Variants in CEP350 observed in about 807,000 individuals in gnomAD.
The protein encoded by CEP350 is centrosomal protein 350, also known as centrosome-associated protein 350.
In CEP350, 126 loss-of-function variants were observed where a neutral mutation model predicts 331.8. The observed-to-expected ratio is 0.38, with a 90% confidence interval of 0.33 to 0.44. The LOEUF (loss-of-function observed/expected upper bound fraction) is 0.44. CEP350 is among the 20% of genes least tolerant of loss of function. The pLI is 1.00. For missense variants in CEP350, 3,406 were observed against 3,634.6 expected (o/e 0.94, Z 1.62); for synonymous variants, 1,200 against 1,259.5 (o/e 0.95, Z 1.00).
chr1:180,015,319 C>T (rs532835678), intron 10 of CEP350, among the ~76,000 whole-genome samples: 10 of 152,076 alleles, frequency 6.6e-5, no homozygotes, highest in Admixed American at 5.2e-4. Context: ...CTGCAGGCTC[C>T]GCCCCCCGGG....
At chr1:180,021,167 C>T (rs1292400041) in intron 12 of CEP350, among the ~76,000 whole-genome samples, 158 bp downstream of exon 12, 1 of 151,996 alleles carries the variant, frequency 6.6e-6, no homozygotes, top group South Asian at 2.1e-4. Flanking sequence ...TCCTGCAAGC[C>T]TTAAGTAAGA....
At position 180,014,376 on chromosome 1, in the gene CEP350, T is replaced by C. The variant is rs1654839047; in HGVS notation, c.1923T>C (p.Thr641=). 2 of 1,596,150 alleles carry C rather than the reference T, an allele frequency of 1.3e-6. No individual in the cohort carries two copies. Among genetic ancestry groups the C allele is most frequent in the Admixed American group, 1.8e-5 (1 of 56,622 alleles). Residue 641 remains threonine (T), a synonymous_variant, in exon 10 of 38, where the codon ACT becomes ACC. Coordinates refer to ENST00000367607, the MANE Select transcript of CEP350 (RefSeq NM_014810.5). ...ELYRKQKEAF[T]KVKNVPPSEP... is the part of the protein sequence containing the mutation. Reference sequence around the variant, plus strand: ...ACCGGAAGCAGAAGGAAGCCTTTACTAAAGTAAAAAATGTCCCTCCTTCTG... The same window carrying C: ...ACCGGAAGCAGAAGGAAGCCTTTACCAAAGTAAAAAATGTCCCTCCTTCTG...
At position 180,084,007 on chromosome 1, in the gene CEP350, A is replaced by G. The variant is rs765254795; in HGVS notation, c.6125-11A>G. The G allele has an allele frequency of 7.1e-7, 1 of 1,414,594 alleles. No individual in the cohort carries two copies. Among genetic ancestry groups the G allele is most frequent in the South Asian group, 1.5e-5 (1 of 67,528 alleles). 87.6% of individuals were successfully genotyped at this position (1,414,594 alleles called of 1,614,324 possible). A position where few individuals can be genotyped will look rare whatever the true frequency, so the allele number is the denominator to read the frequency against. ...CAAAATTATAAATAAAAGATTTTGTATCTCTTTCAGAAACTACATCTGACC... is the reference window on the plus strand; with the variant it reads ...CAAAATTATAAATAAAAGATTTTGTGTCTCTTTCAGAAACTACATCTGACC... On this transcript the variant is annotated splice_polypyrimidine_tract_variant and intron_variant, in intron 30 of 37. Coordinates refer to ENST00000367607, the MANE Select transcript of CEP350 (RefSeq NM_014810.5).
Position 180,080,623 on chromosome 1 carries a change from A to G in CEP350, c.6086A>G (p.Tyr2029Cys). The change falls in exon 30 of 38, where the codon TAT becomes TGT. Residue 2029 changes from tyrosine to cysteine, a missense_variant. By Grantham distance (194) the Tyr-to-Cys change is radical (BLOSUM62 -2). Coordinates refer to ENST00000367607, the MANE Select transcript of CEP350 (RefSeq NM_014810.5). ...CCTATCAAGTCCCATCAGCACTGTT[A>G]TAGTTGGTCAGATGAGTCATTATCT... ...HLPIKSHQHCYSWSDESLSMT... is the reference protein window; with the variant it reads ...HLPIKSHQHCCSWSDESLSMT... 1 of 1,613,874 alleles carries G rather than the reference A, an allele frequency of 6.2e-7. No homozygotes were observed. The highest frequency in any genetic ancestry group is 8.5e-7 in the Non-Finnish European group (1 of 1,179,846).
chr1:180,053,236 T>C, intron 23 of CEP350, 70 bp downstream of exon 23: 1 of 736,966 alleles, frequency 1.4e-6, no homozygotes, highest in Non-Finnish European at 2.1e-6. Context: ...AGAAAACATT[T>C]TGTACTTATC....
In CEP350 at chr1:180,034,039, G is replaced by A. The variant is rs764961577; in HGVS notation, c.3903G>A (p.Pro1301=). The A allele has an allele frequency of 2.4e-5, 38 of 1,613,730 alleles. No homozygotes were observed. The highest frequency in any genetic ancestry group is 1.6e-4 in the Middle Eastern group (1 of 6,062). ...KPNAPLTDLN[P]AASRTTTENM... Reference sequence around the variant, plus strand: ...ATGCACCTCTCACTGATCTGAACCCGGCAGCCAGCAGAACAACGACAGAGA... The same window carrying A: ...ATGCACCTCTCACTGATCTGAACCCAGCAGCCAGCAGAACAACGACAGAGA... The change falls in exon 16 of 38, where the codon CCG becomes CCA. Residue 1301 remains proline, a synonymous_variant. Coordinates refer to ENST00000367607, the MANE Select transcript of CEP350 (RefSeq NM_014810.5).
intron 3 of CEP350, among the ~76,000 whole-genome samples, chr1:179,989,770 A>G (rs1652915376): frequency 6.6e-6 from 1 of 152,218 alleles, no homozygotes; most frequent in Admixed American, 6.5e-5. Context: ...TAGACATAAA[A>G]CTGTAAAACA....
At chr1:179,968,573 AGACTT>A in intron 1 of CEP350, 1 of 329,762 alleles carries the variant, frequency 3.0e-6, no homozygotes, top group Non-Finnish European at 5.9e-6. Context: ...ACGTGGAAGG[AGACTT>A]TTGAAAATTA....
intron 31 of CEP350, among the ~76,000 whole-genome samples, chr1:180,085,165 T>C (rs1160478738): frequency 6.6e-6 from 1 of 151,832 alleles, no homozygotes; most frequent in Non-Finnish European, 1.5e-5. Context: ...CAGAATGGTG[T>C]TTCATGCCAC....
At chr1:179,972,125 T>A (rs1300369932) in intron 1 of CEP350, among the ~76,000 whole-genome samples, 1 of 151,860 alleles carries the variant, frequency 6.6e-6, no homozygotes, top group African/African-American at 2.4e-5. Flanking sequence ...AGATGGTGAG[T>A]TTAATGTGCC....
intron 27 of CEP350, among the ~76,000 whole-genome samples, chr1:180,071,594 T>G (rs551131428): frequency 2.0e-5 from 3 of 151,982 alleles, no homozygotes; most frequent in South Asian, 4.2e-4. Flanking sequence ...CTGGCCAACA[T>G]GGTGAAACCC....
Position 180,053,099 on chromosome 1 carries a change from G to A in CEP350, c.4922G>A (p.Arg1641Lys). ...ESHRRFNMEK[R>K]RGHHDDSDEE... ...CACCGCAGATTTAACATGGAAAAGAGAAGAGGTCATCATGATGACTCTGAT... is the reference window on the plus strand; with the variant it reads ...CACCGCAGATTTAACATGGAAAAGAAAAGAGGTCATCATGATGACTCTGAT... Residue 1641 changes from arginine to lysine, a missense_variant, in exon 23 of 38, where the codon AGA (arginine) becomes AAA (lysine). By Grantham distance (26) the Arg-to-Lys change is conservative. Around this residue, in one of 5 missense-constraint regions of CEP350, gnomAD observed 104 missense variants for 143.3 expected, o/e 0.73. Transcript: ENST00000367607. The A allele has an allele frequency of 1.2e-6, 2 of 1,609,706 alleles. No homozygotes were observed. The highest frequency in any genetic ancestry group is 2.7e-5 in the African/African-American group (2 of 74,850).
In CEP350 at chr1:180,062,384, A is replaced by T; in HGVS notation, c.5409+18A>T. 3.8e-6 allele frequency: 6 copies of T among 1,573,922 alleles called. No individual in the cohort carries two copies. Among genetic ancestry groups the T allele is most frequent in the Admixed American group, 1.9e-5 (1 of 53,394 alleles). On this transcript the variant is annotated intron_variant, in intron 26 of 37. Transcript: ENST00000367607. ...GTAAATTGGTAAACTACATGAAGTT[A>T]TTATTTGTTTCCTGTCTTATTTTGA...
intron 33 of CEP350, 67 bp from the exon 34 acceptor site, chr1:180,092,546 CT>C (rs1245855821): frequency 7.9e-7 from 1 of 1,265,318 alleles, no homozygotes; most frequent in Non-Finnish European, 1.1e-6. Flanking sequence ...TTTCTCTAAA[CT>C]TTGGTTCACA....
chr1:179,967,071 GTTCAGAGAGGCTTC>G (rs1338264943), intron 1 of CEP350, among the ~76,000 whole-genome samples: 5 of 152,108 alleles, frequency 3.3e-5, no homozygotes, highest in Non-Finnish European at 7.3e-5. Context: ...ACCAGAATAG[GTTCAGAGAGGCTTC>G]TTAGACTATA....
Position 180,065,137 on chromosome 1 carries a change from C to G in CEP350, c.5432C>G (p.Thr1811Arg). 6.2e-7 allele frequency: 1 copy of G among 1,607,698 alleles called. No homozygotes were observed. Among genetic ancestry groups the G allele is most frequent in the South Asian group, 1.1e-5 (1 of 89,514 alleles). Reference sequence around the variant, plus strand: ...CAGGACTCTCATAGTGATGATGATACAAAGGATAATAAGGCAACCAGTCCT... The same window carrying G: ...CAGGACTCTCATAGTGATGATGATAGAAAGGATAATAAGGCAACCAGTCCT... ...SKLDSHSDDD[T>R]KDNKATSPGP... Residue 1811 changes from threonine to arginine, a missense_variant, in exon 27 of 38, where the codon ACA (threonine) becomes AGA (arginine). Around this residue, in one of 5 missense-constraint regions of CEP350, gnomAD observed 1,415 missense variants for 1,512.3 expected, o/e 0.94. Transcript: ENST00000367607.
intron 6 of CEP350, among the ~76,000 whole-genome samples, chr1:180,001,124 T>G (rs1653843704): frequency 6.6e-6 from 1 of 152,218 alleles, no homozygotes; most frequent in Admixed American, 6.5e-5. Flanking sequence ...TATGTATGGG[T>G]TGCTAATTCT....
chr1:180,053,286 G>T, intron 23 of CEP350, 120 bp downstream of exon 23: 1 of 528,854 alleles, frequency 1.9e-6, no homozygotes, highest in Non-Finnish European at 3.2e-6. Context: ...TAAGATATCA[G>T]TTTTATTTTA....
At chr1:180,041,870 G>A in intron 19 of CEP350, 68 bp downstream of exon 19, 1 of 1,415,202 alleles carries the variant, frequency 7.1e-7, no homozygotes, top group Non-Finnish European at 9.7e-7. Flanking sequence ...TTGATCTTCA[G>A]TAATGGGTTT....
Sources: allele counts gnomAD v4.1 joint callset (sites outside exome capture counted in the v4.1 genomes callset), GRCh38; gene constraint gnomAD v4.1.1; regional missense constraint gnomAD v4.1.1; transcripts MANE v1.5; gene names NCBI Gene and HGNC (gene_info 2026-07-23, HGNC 2026-07-21).